PRTG: variants seen among roughly 807,000 people sequenced by gnomAD.
The protein encoded by PRTG is protogenin.
In PRTG, 67 loss-of-function variants were observed where a neutral mutation model predicts 122.5. The observed-to-expected ratio is 0.55, with a 90% CI of 0.45 to 0.67. The LOEUF is 0.67. Among genes scored for constraint, PRTG ranks in the 30% least tolerant of loss-of-function variants. The probability of loss-of-function intolerance (pLI) is 0.00; values close to 1 mark genes in which losing one functional copy is unlikely to be tolerated. For missense variants in PRTG, 1,435 were observed against 1,415.4 expected, an observed-to-expected ratio of 1.01 and a Z score of -0.22; for synonymous variants, 554 against 501.1, an observed-to-expected ratio of 1.11 and a Z score of -1.41.
intron 8 of PRTG, among the ~76,000 whole-genome samples, chr15:55,676,458 ATCTC>A (rs1391494683): frequency 6.6e-6 from 1 of 152,144 alleles, no homozygotes; most frequent in African/African-American, 2.4e-5. Flanking sequence ...ACTTAATCAA[ATCTC>A]TCTAAGGACG....
intron 11 of PRTG, among the ~76,000 whole-genome samples, chr15:55,652,487 T>A (rs1406330257): frequency 6.6e-6 from 1 of 152,196 alleles, no homozygotes; most frequent in Admixed American, 6.5e-5. Context: ...CTCCTTGGTC[T>A]GGCTAGCCAG....
intron 11 of PRTG, among the ~76,000 whole-genome samples, chr15:55,651,648 G>C (rs543123657): frequency 6.6e-6 from 1 of 152,172 alleles, no homozygotes; most frequent in South Asian, 2.1e-4. Context: ...TCATTTCAAA[G>C]TACTGGGCTG....
rs2059125551 is a variant in PRTG at position 55,612,697 on chromosome 15, A to ATATATATATATATATAT, written c.*7314_*7315insATATATATATATATATA. The ATATATATATATATATAT allele has an allele frequency of 3.3e-5, 4 of 120,746 alleles. No homozygotes were observed. Among genetic ancestry groups the ATATATATATATATATAT allele is most frequent in the African/African-American group, 1.9e-4 (4 of 21,350 alleles). 7.5% of individuals were successfully genotyped at this position (120,746 alleles called of 1,614,324 possible). A position where few individuals can be genotyped will look rare whatever the true frequency, so the allele number is the denominator to read the frequency against. ...TTCTCTCTTTAACTCTTTAAAAGCC[A>ATATATATATATATATAT]ATATATATATATATATATATATATA... is the stretch of plus-strand genomic sequence containing the variant. On this transcript the variant is annotated 3_prime_UTR_variant, in exon 20 of 20. Coordinates refer to ENST00000389286, the MANE Select transcript of PRTG (RefSeq NM_173814.6).
chr15:55,624,467 G>A lies in PRTG; in HGVS notation c.2968C>T (p.Gln990Ter). Residue 990 changes from glutamine (Q) to a stop codon, truncating the protein, a stop_gained, in exon 18 of 20, where the codon CAG (glutamine) becomes TAG (stop). Coordinates refer to ENST00000389286, the MANE Select transcript of PRTG (RefSeq NM_173814.6). LOFTEE classifies it high-confidence loss of function. The part of the protein sequence containing the change: ...ASKTAQNGTQ[Q>*]LPRTSASLAS... Reference sequence around the variant, plus strand: ...AAGGAGGCACTGGTACGAGGTAACTGTTGAGTTCCATTCTGTGCCGTCTTG... The same window carrying A: ...AAGGAGGCACTGGTACGAGGTAACTATTGAGTTCCATTCTGTGCCGTCTTG... 6.2e-7 allele frequency: 1 copy of A among 1,613,950 alleles called. No homozygotes were observed. Among genetic ancestry groups the A allele is most frequent in the Non-Finnish European group, 8.5e-7 (1 of 1,179,914 alleles).
rs2059142349 is a variant in PRTG at position 55,616,472 on chromosome 15, A to C, written c.*3540T>G. ...CAGAGGTACCATAATACTCTGCAAC[A>C]TAAAAGCTTGCTGATATTTCTGTTG... is the stretch of plus-strand genomic sequence containing the variant. On this transcript the variant is annotated 3_prime_UTR_variant, in exon 20 of 20. Transcript: ENST00000389286. The C allele has an allele frequency of 6.6e-6, 1 of 152,192 alleles. No individual in the cohort carries two copies. The highest frequency in any genetic ancestry group is 2.4e-5 in the African/African-American group (1 of 41,472). The allele number at this position is 152,192 out of a possible 1,614,324, so 9.4% of individuals were successfully genotyped here.
At chr15:55,664,829 C>T (rs1021549616) in intron 11 of PRTG, among the ~76,000 whole-genome samples, 1 of 152,012 alleles carries the variant, frequency 6.6e-6, no homozygotes, top group Non-Finnish European at 1.5e-5. Flanking sequence ...TCAGGCAATT[C>T]TCCTGCCTCA....
intron 15 of PRTG, among the ~76,000 whole-genome samples, chr15:55,634,279 G>A (rs979656213): frequency 5.9e-5 from 9 of 151,582 alleles, no homozygotes; most frequent in African/African-American, 2.2e-4. Context: ...ATGTTGGCCA[G>A]GCTGGTCTCC....
rs1596005402 is a variant in PRTG, at chr15:55,612,064, C to T, written c.*7948G>A. On this transcript the variant is annotated 3_prime_UTR_variant, in exon 20 of 20. Coordinates refer to ENST00000389286, the MANE Select transcript of PRTG (RefSeq NM_173814.6). ...ACAGACATAAAATTTTGTCCAACAA[C>T]AGCAACAAGCAGACACATTTTCTTA... is the stretch of plus-strand genomic sequence containing the variant. The T allele has an allele frequency of 6.6e-6, 1 of 151,728 alleles. No homozygotes were observed. Among genetic ancestry groups the T allele is most frequent in the East Asian group, 1.9e-4 (1 of 5,188 alleles). 9.4% of individuals were successfully genotyped at this position (151,728 alleles called of 1,614,324 possible). A position where few individuals can be genotyped will look rare whatever the true frequency, so the allele number is the denominator to read the frequency against.
chr15:55,625,835 C>T (rs1385620797), intron 17 of PRTG, among the ~76,000 whole-genome samples: 2 of 152,036 alleles, frequency 1.3e-5, no homozygotes, highest in African/African-American at 2.4e-5. Context: ...GTTGGTCAGG[C>T]TGGTCTTGAA....
At chr15:55,728,759 G>C (rs1250071969) in intron 2 of PRTG, among the ~76,000 whole-genome samples, 1 of 8,514 alleles carries the variant, frequency 1.2e-4, no homozygotes, top group African/African-American at 1.4e-4. Context: ...AGAGCAATTA[G>C]TCTAAAAAAA....
intron 2 of PRTG, among the ~76,000 whole-genome samples, chr15:55,734,720 T>A (rs1240974895): frequency 7.0e-6 from 1 of 141,876 alleles, no homozygotes; most frequent in South Asian, 2.4e-4. Context: ...TAAACGCTCA[T>A]CAAAAGTAGT....
chr15:55,726,297 G>A (rs959367724), intron 2 of PRTG, among the ~76,000 whole-genome samples: 4 of 151,920 alleles, frequency 2.6e-5, no homozygotes, highest in Non-Finnish European at 4.4e-5. Flanking sequence ...GGCTGGTCTC[G>A]AACTCCTGAC....
chr15:55,721,722 ACGGC>A (rs1171338158), intron 2 of PRTG, among the ~76,000 whole-genome samples: 3 of 152,204 alleles, frequency 2.0e-5, no homozygotes, highest in Admixed American at 1.3e-4. Flanking sequence ...ACAGTTAAGG[ACGGC>A]TGGGGAGGCC....
intron 2 of PRTG, among the ~76,000 whole-genome samples, chr15:55,708,147 G>GGAAAAAAAAAAAAA (rs1567109053): frequency 3.6e-5 from 1 of 27,944 alleles, no homozygotes; most frequent in Non-Finnish European, 7.4e-5. Context: ...GAGTAAGCTG[G>GGAAAAAAAAAAAAA]TAAAAAAAAA....
At chr15:55,673,299 A>G in intron 10 of PRTG, 72 bp downstream of exon 10, 1 of 997,278 alleles carries the variant, frequency 1.0e-6, no homozygotes, top group East Asian at 2.6e-5. Context: ...AAATATAAAC[A>G]TAATTTAGAG....
intron 7 of PRTG, 149 bp downstream of exon 7, chr15:55,679,137 G>T (rs1251939855): frequency 5.3e-6 from 3 of 561,490 alleles, no homozygotes; most frequent in Non-Finnish European, 9.3e-6. Context: ...ACATGATAAT[G>T]TTATAAGTCT....
At position 55,639,413 on chromosome 15, in the gene PRTG, G is replaced by A. The variant is rs1464892960; in HGVS notation, c.2324+229C>T. Among the ~76,000 whole-genome samples the A allele has an allele frequency of 2.0e-5, 3 of 152,148 alleles. No individual in the cohort carries two copies. The East Asian group carries it at 5.8e-4, about 29-fold the overall frequency. On this transcript the variant is annotated intron_variant, in intron 13 of 19. Transcript: ENST00000389286. ...AGCTTCTTGCCTAATCTTGTTGCAT[G>A]AGGCAAGGAAAATTTAAAAATCACT...
In PRTG at chr15:55,641,220, C is replaced by A. The variant is rs760138652; in HGVS notation, c.2042-12G>T. On this transcript the variant is annotated splice_polypyrimidine_tract_variant and intron_variant, in intron 11 of 19. Transcript: ENST00000389286. ...TTTTCTTCTGGGGTCTATAAAGAAA[C>A]CAATAGGAAATAATTAGGACCAGGT... 17 of 1,577,542 alleles carry A rather than the reference C, an allele frequency of 1.1e-5. No individual in the cohort carries two copies. The Middle Eastern group carries it at 5.0e-4, about 47-fold the overall frequency.
At chr15:55,681,191 G>A (rs2059535956) in intron 4 of PRTG, 1 of 151,826 alleles carries the variant, frequency 6.6e-6, no homozygotes, top group Non-Finnish European at 1.5e-5. Context: ...ACTTTTAATT[G>A]AGGTTCAAAC....
Sources: allele counts gnomAD v4.1 joint callset (sites outside exome capture counted in the v4.1 genomes callset), GRCh38; gene constraint gnomAD v4.1.1; transcripts MANE v1.5; gene names NCBI Gene and HGNC (gene_info 2026-07-23, HGNC 2026-07-21).